Variants in CDC42BPA observed in about 807,000 individuals in gnomAD.
The protein encoded by CDC42BPA is CDC42 binding protein kinase alpha.
In CDC42BPA, 80 loss-of-function variants were observed where a neutral mutation model predicts 223.5. The observed-to-expected ratio is 0.36, with a 90% CI of 0.30 to 0.43. The LOEUF (loss-of-function observed/expected upper bound fraction) is 0.43, where lower values mean the gene tolerates loss of function less well. Among genes scored for constraint, CDC42BPA ranks in the 20% least tolerant of loss-of-function variants. The probability of loss-of-function intolerance (pLI) is 1.00; values close to 1 mark genes in which losing one functional copy is unlikely to be tolerated. For missense variants in CDC42BPA, 1,743 were observed against 2,099.9 expected (o/e 0.83, Z 3.32); for synonymous variants, 694 against 718.6 (o/e 0.97, Z 0.55).
At chr1:227,105,810 T>A (rs1393058898) in intron 14 of CDC42BPA, among the ~76,000 whole-genome samples, 2 of 152,220 alleles carry the variant, frequency 1.3e-5, no homozygotes, top group African/African-American at 4.8e-5. Context: ...GATACTCCAT[T>A]GTATTTATAT....
chr1:227,150,826 T>A (rs1661597982), intron 6 of CDC42BPA, among the ~76,000 whole-genome samples: 1 of 137,456 alleles, frequency 7.3e-6, no homozygotes, highest in Non-Finnish European at 1.6e-5. Flanking sequence ...AAAATAAAAA[T>A]TTTTAAAAAC....
Position 227,202,186 on chromosome 1 carries a change from G to A in CDC42BPA, c.355-2534C>T, listed in dbSNP as rs183315657. 5.0e-3 allele frequency among the ~76,000 whole-genome samples: 766 copies of A among 152,226 alleles called. 5 individuals are homozygous for A. The highest frequency in any genetic ancestry group is 0.018 in the African/African-American group (734 of 41,538). On this transcript the variant is annotated intron_variant, in intron 3 of 36. Coordinates refer to ENST00000366766, the MANE Select transcript of CDC42BPA (RefSeq NM_001394014.1). ...TTTAGTAGAGATGGGGTTTCACTGCGTTAGCCAGGATGGTCTCGATCTCCT... is the reference window on the plus strand; with the variant it reads ...TTTAGTAGAGATGGGGTTTCACTGCATTAGCCAGGATGGTCTCGATCTCCT...
intron 14 of CDC42BPA, among the ~76,000 whole-genome samples, chr1:227,109,769 A>G (rs1296002749): frequency 6.6e-6 from 1 of 151,596 alleles, no homozygotes; most frequent in Non-Finnish European, 1.5e-5. Flanking sequence ...ACAAACACAC[A>G]CATTAATATA....
intron 17 of CDC42BPA, among the ~76,000 whole-genome samples, chr1:227,077,097 GA>G (rs1679646929): frequency 6.6e-6 from 1 of 152,160 alleles, no homozygotes; most frequent in South Asian, 2.1e-4. Flanking sequence ...GGCATATTGA[GA>G]AGACAAATAA....
intron 5 of CDC42BPA, among the ~76,000 whole-genome samples, chr1:227,171,447 C>T (rs1455499623): frequency 3.3e-5 from 5 of 152,136 alleles, no homozygotes; most frequent in Non-Finnish European, 7.4e-5. Flanking sequence ...CTCATCGCTA[C>T]AAAAACTACA....
chr1:227,303,147 T>C (rs141232814), intron 1 of CDC42BPA, among the ~76,000 whole-genome samples: 2 of 152,308 alleles, frequency 1.3e-5, no homozygotes, highest in African/African-American at 4.8e-5. Flanking sequence ...CATATTTAAT[T>C]ACGAGAACTA....
At chr1:227,126,233 T>G (rs75393505) in intron 11 of CDC42BPA, among the ~76,000 whole-genome samples, 3,948 of 152,314 alleles carry the variant, frequency 0.026, 74 homozygotes, top group Non-Finnish European at 0.041. Context: ...CCTCCAGGTG[T>G]GTGGCCTCCA....
chr1:227,202,848 T>C (rs1290312012), intron 3 of CDC42BPA, among the ~76,000 whole-genome samples: 1 of 151,596 alleles, frequency 6.6e-6, no homozygotes, highest in African/African-American at 2.4e-5. Flanking sequence ...AAAGATCACA[T>C]GAGCCTAGGA....
At position 227,263,343 on chromosome 1, in the gene CDC42BPA, TATTTA is replaced by T. The variant is rs376054824; in HGVS notation, c.179-9193_179-9189del. On this transcript the variant is annotated intron_variant, in intron 1 of 36. Transcript: ENST00000366766. ...TTTTTTAATGGTTACACCTGCATGG[TATTTA>T]TTAGCCTCCAAACAACTGGAAATTT... Among the ~76,000 whole-genome samples, 329 of 152,280 alleles carry T rather than the reference TATTTA, an allele frequency of 2.2e-3. 5 individuals are homozygous for T. The East Asian group carries it at 0.045, about 21-fold the overall frequency.
chr1:227,066,056 A>C (rs905548302), intron 21 of CDC42BPA, among the ~76,000 whole-genome samples: 1 of 152,162 alleles, frequency 6.6e-6, no homozygotes, highest in Non-Finnish European at 1.5e-5. Flanking sequence ...ATATAACTAG[A>C]TTTGGCACAG....
rs998931027 is a variant in CDC42BPA, at chr1:227,022,429, G to A, written c.4615+834C>T. On this transcript the variant is annotated intron_variant, in intron 32 of 36. Coordinates refer to ENST00000366766, the MANE Select transcript of CDC42BPA (RefSeq NM_001394014.1). Reference sequence around the variant, plus strand: ...GCCTGGGCAACAGAGTGAGACTCCCGTCTCAAAAAAAAAAAATTATTTAAA... The same window carrying A: ...GCCTGGGCAACAGAGTGAGACTCCCATCTCAAAAAAAAAAAATTATTTAAA... Among the ~76,000 whole-genome samples, 10 of 147,846 alleles carry A rather than the reference G, an allele frequency of 6.8e-5. No individual in the cohort carries two copies. In the South Asian group the frequency reaches 1.5e-3, roughly 22 times the overall value.
At chr1:227,118,179 G>C (rs1571758653) in intron 12 of CDC42BPA, among the ~76,000 whole-genome samples, 1 of 152,162 alleles carries the variant, frequency 6.6e-6, no homozygotes, top group African/African-American at 2.4e-5. Flanking sequence ...TGGTATGCTA[G>C]AAAACAGTTT....
intron 4 of CDC42BPA, among the ~76,000 whole-genome samples, chr1:227,196,849 T>C (rs1371606538): frequency 6.6e-6 from 1 of 152,154 alleles, no homozygotes; most frequent in African/African-American, 2.4e-5. Context: ...AAACAATTAA[T>C]AAGAAAGTAC....
intron 22 of CDC42BPA, among the ~76,000 whole-genome samples, chr1:227,048,578 G>C (rs1204179379): frequency 6.6e-6 from 1 of 151,468 alleles, no homozygotes; most frequent in African/African-American, 2.4e-5. Flanking sequence ...TTGGAATTCT[G>C]ACTTTAATAC....
intron 21 of CDC42BPA, among the ~76,000 whole-genome samples, chr1:227,061,049 G>A (rs1426433290): frequency 6.6e-6 from 1 of 152,000 alleles, no homozygotes; most frequent in East Asian, 1.9e-4. Context: ...CATAGGAAAT[G>A]GAATGGAAGA....
At chr1:227,191,313 C>T (rs1424238926) in intron 5 of CDC42BPA, among the ~76,000 whole-genome samples, 3 of 123,200 alleles carry the variant, frequency 2.4e-5, no homozygotes, top group African/African-American at 9.0e-5. Context: ...CCACGGCACT[C>T]CAGCTTGGGC....
At position 227,029,404 on chromosome 1, in the gene CDC42BPA, A is replaced by G. The variant is rs116273221; in HGVS notation, c.3839-154T>C. ...AAAAAAAGATTATCCAACCCATCAT[A>G]AGATAATTTAACTCACCTATAGTAC... is the stretch of plus-strand genomic sequence containing the variant. On this transcript the variant is annotated intron_variant, in intron 29 of 36. Coordinates refer to ENST00000366766, the MANE Select transcript of CDC42BPA (RefSeq NM_001394014.1). Among the ~76,000 whole-genome samples the G allele has an allele frequency of 6.0e-3, 908 of 152,340 alleles. 9 individuals are homozygous for G. The highest frequency in any genetic ancestry group is 0.021 in the African/African-American group (855 of 41,578).
At chr1:226,997,533 T>C (rs1661886114) in intron 35 of CDC42BPA, among the ~76,000 whole-genome samples, 1 of 152,192 alleles carries the variant, frequency 6.6e-6, no homozygotes, top group Non-Finnish European at 1.5e-5. Context: ...TTCTTTTAAT[T>C]GTGATGTTAG....
At chr1:227,074,057 A>G (rs1242470763) in intron 18 of CDC42BPA, 45 bp from the exon 19 acceptor site, 14 of 1,573,038 alleles carry the variant, frequency 8.9e-6, no homozygotes, top group Non-Finnish European at 1.2e-5. Context: ...TATTTTTAAC[A>G]TTTAAATTAT....
Sources: allele counts gnomAD v4.1 joint callset (sites outside exome capture counted in the v4.1 genomes callset), GRCh38; gene constraint gnomAD v4.1.1; transcripts MANE v1.5; gene names NCBI Gene and HGNC (gene_info 2026-07-23, HGNC 2026-07-21).